Variants in ZC3H12B observed in about 807,000 individuals in gnomAD.
ZC3H12B encodes the protein probable ribonuclease ZC3H12B.
Under a neutral mutation model 43.9 loss-of-function variants are expected in ZC3H12B, and 7 were observed. The ratio of observed to expected loss-of-function variants is 0.16; its 90% confidence interval spans 0.09 to 0.30. The LOEUF is 0.30. Ranked by LOEUF, ZC3H12B falls within the 10% of genes least tolerant of loss-of-function variation. The pLI, the probability that ZC3H12B is intolerant of heterozygous loss-of-function variation, is 1.00. For missense variants in ZC3H12B, 475 were observed against 670.2 expected (o/e 0.71, Z 3.22); for synonymous variants, 222 against 241.7 (o/e 0.92, Z 0.76).
the ZC3H12B span, among the ~76,000 whole-genome samples, chrX:65,132,603 T>G: frequency 2.7e-5 from 3 of 110,608 alleles, no homozygotes; most frequent in Non-Finnish European, 5.7e-5. Flanking sequence ...AGCAGATAAT[T>G]TAGTTAAAAT....
At chrX:65,292,567 C>G in the ZC3H12B span, among the ~76,000 whole-genome samples, 2 of 110,704 alleles carry the variant, frequency 1.8e-5, no homozygotes, top group Non-Finnish European at 3.8e-5. Flanking sequence ...GCAAACTACT[C>G]TGGCACATAT....
chrX:65,272,434 C>G, the ZC3H12B span: 5 of 111,481 alleles, frequency 4.5e-5, no homozygotes, highest in African/African-American at 6.6e-5. Flanking sequence ...CAATTGGAAA[C>G]AAGCCAGTTG....
chrX:65,049,949 G>A, the ZC3H12B span, among the ~76,000 whole-genome samples: 1 of 110,899 alleles, frequency 9.0e-6, no homozygotes, highest in Non-Finnish European at 1.9e-5. Flanking sequence ...TATTAGTACT[G>A]CTTTTGCTGC....
intron 3 of ZC3H12B, among the ~76,000 whole-genome samples, chrX:65,457,561 G>C (rs1378636196): frequency 1.2e-5 from 1 of 85,421 alleles, no homozygotes; most frequent in Non-Finnish European, 2.0e-5. Context: ...CCGTCTGGGA[G>C]GTGTGCCCAG....
At chrX:65,038,269 G>A in the ZC3H12B span, among the ~76,000 whole-genome samples, 2 of 110,945 alleles carry the variant, frequency 1.8e-5, no homozygotes, top group Non-Finnish European at 3.8e-5. Flanking sequence ...GGTATCTTTT[G>A]CTGCCAGCAG....
chrX:65,195,545 A>C, the ZC3H12B span, among the ~76,000 whole-genome samples: 2 of 112,186 alleles, frequency 1.8e-5, no homozygotes, highest in African/African-American at 6.5e-5. Context: ...TTATTGTACT[A>C]TCTATGTCTT....
At chrX:65,428,730 C>T (rs1430962750) in intron 3 of ZC3H12B, among the ~76,000 whole-genome samples, 1 of 112,201 alleles carries the variant, frequency 8.9e-6, no homozygotes, top group East Asian at 2.8e-4. Flanking sequence ...TTGTTATTAC[C>T]CACCTTCTGA....
Position 65,373,857 on chromosome X carries a change from G to A in ZC3H12B, n.295+4859G>A, listed in dbSNP as rs191310587. ...ATGCATACATATATAACAAACCTAC[G>A]CGTTCTGCACATGTACCCTAGAACT... On this transcript the variant is annotated intron_variant and non_coding_transcript_variant, in intron 2 of 5. Coordinates refer to the ZC3H12B transcript ENST00000617377. Among the ~76,000 whole-genome samples the A allele has an allele frequency of 5.2e-3, 226 of 43,625 alleles. 3 individuals are homozygous for A. Among genetic ancestry groups the A allele is most frequent in the African/African-American group, 0.013 (216 of 16,918 alleles). The allele number at this position is 43,625 out of a possible 115,157, so 37.9% of individuals were successfully genotyped here. A position where few individuals can be genotyped will look rare whatever the true frequency, so the allele number is the denominator to read the frequency against.
chrX:65,433,626 C>T (rs189493093), intron 3 of ZC3H12B, among the ~76,000 whole-genome samples: 1 of 111,940 alleles, frequency 8.9e-6, no homozygotes, highest in African/African-American at 3.2e-5. Flanking sequence ...CAATTTTAGT[C>T]TCCTAGAATT....
At chrX:65,077,759 G>A in the ZC3H12B span, among the ~76,000 whole-genome samples, 10 of 112,012 alleles carry the variant, frequency 8.9e-5, no homozygotes, top group Non-Finnish European at 1.5e-4. Flanking sequence ...ATGCCTGTTG[G>A]CAGTTCTGGA....
chrX:65,072,297 A>C, the ZC3H12B span, among the ~76,000 whole-genome samples: 1 of 112,291 alleles, frequency 8.9e-6, no homozygotes, highest in Non-Finnish European at 1.9e-5. Flanking sequence ...TTTCAGCTCT[A>C]TCAGGTTAGT....
the ZC3H12B span, among the ~76,000 whole-genome samples, chrX:65,144,475 C>T: frequency 9.0e-6 from 1 of 111,545 alleles, no homozygotes; most frequent in East Asian, 2.8e-4. Context: ...TTATTTACTC[C>T]TGCTCCGATC....
At chrX:65,444,244 A>G (rs1602448917) in intron 3 of ZC3H12B, among the ~76,000 whole-genome samples, 2 of 112,462 alleles carry the variant, frequency 1.8e-5, no homozygotes, top group Admixed American at 1.9e-4. Context: ...AACTCATAAC[A>G]ACTTCACACT....
the ZC3H12B span, among the ~76,000 whole-genome samples, chrX:65,235,412 T>C: frequency 8.9e-6 from 1 of 112,208 alleles, no homozygotes; most frequent in Non-Finnish European, 1.9e-5. Context: ...TCCTACCTCA[T>C]TGTGGTTTTG....
the ZC3H12B span, among the ~76,000 whole-genome samples, chrX:65,172,264 C>T: frequency 8.9e-6 from 1 of 112,213 alleles, no homozygotes; most frequent in Non-Finnish European, 1.9e-5. Flanking sequence ...ATATCCTTTG[C>T]CTACTTTTTG....
the ZC3H12B span, among the ~76,000 whole-genome samples, chrX:65,334,195 G>T: frequency 8.9e-6 from 1 of 111,768 alleles, no homozygotes; most frequent in African/African-American, 3.2e-5. Context: ...TAAAGATCAG[G>T]TCATTGCTCT....
At chrX:65,298,751 G>A in the ZC3H12B span, among the ~76,000 whole-genome samples, 1 of 111,992 alleles carries the variant, frequency 8.9e-6, no homozygotes, top group East Asian at 2.8e-4. Flanking sequence ...AGAACTGCCT[G>A]AGACTGGGTA....
chrX:65,049,910 A>G, the ZC3H12B span, among the ~76,000 whole-genome samples: 1 of 110,989 alleles, frequency 9.0e-6, no homozygotes, highest in African/African-American at 3.3e-5. Flanking sequence ...CTTTCTTTTA[A>G]TGTATGTTTT....
At chrX:65,174,931 A>C in the ZC3H12B span, among the ~76,000 whole-genome samples, 1 of 109,557 alleles carries the variant, frequency 9.1e-6, no homozygotes, top group Non-Finnish European at 1.9e-5. Flanking sequence ...AAAAAAACAA[A>C]AAACAAACAA....
Sources: allele counts gnomAD v4.1 joint callset (sites outside exome capture counted in the v4.1 genomes callset), GRCh38; gene constraint gnomAD v4.1.1; transcripts MANE v1.5; gene names NCBI Gene and HGNC (gene_info 2026-07-23, HGNC 2026-07-21).